Variants in PPTC7 observed in about 807,000 individuals in gnomAD.
PPTC7 encodes protein phosphatase targeting COQ7.
In PPTC7, 6 loss-of-function variants were observed where a neutral mutation model predicts 30.8. The ratio of observed to expected loss-of-function variants is 0.19; its 90% CI spans 0.11 to 0.38. The LOEUF is 0.38. PPTC7 is among the 10% of genes least tolerant of loss of function. The probability of loss-of-function intolerance (pLI) is 1.00; values close to 1 mark genes in which losing one functional copy is unlikely to be tolerated. For synonymous variants in PPTC7, 163 were observed against 168.1 expected, an observed-to-expected ratio of 0.97 and a Z score of 0.23; for missense variants, 218 against 404.8, an observed-to-expected ratio of 0.54 and a Z score of 3.96.
At chr12:110,564,506 A>G (rs7957299) in intron 1 of PPTC7, among the ~76,000 whole-genome samples, 37,991 of 152,082 alleles carry the variant, frequency 0.25, 6,095 homozygotes, top group East Asian at 0.56. Context: ...TGTCAACCTG[A>G]TATTTATGAC....
At chr12:110,572,735 C>A (rs2064549077) in intron 1 of PPTC7, among the ~76,000 whole-genome samples, 1 of 152,096 alleles carries the variant, frequency 6.6e-6, no homozygotes, top group African/African-American at 2.4e-5. Context: ...TATTTAGGAA[C>A]CTAGTAAATT....
intron 1 of PPTC7, among the ~76,000 whole-genome samples, chr12:110,575,343 A>C (rs1159907277): frequency 6.6e-6 from 1 of 152,054 alleles, no homozygotes; most frequent in Non-Finnish European, 1.5e-5. Flanking sequence ...TCTGAACCTA[A>C]AGCCCCAGGC....
chr12:110,576,585 C>G (rs1169825631), intron 1 of PPTC7, among the ~76,000 whole-genome samples: 1 of 152,172 alleles, frequency 6.6e-6, no homozygotes, highest in Non-Finnish European at 1.5e-5. Context: ...TGGATGAACT[C>G]TGAAAACATG....
At chr12:110,543,509 A>G (rs1452517079) in intron 3 of PPTC7, among the ~76,000 whole-genome samples, 1 of 152,170 alleles carries the variant, frequency 6.6e-6, no homozygotes, top group Non-Finnish European at 1.5e-5. Flanking sequence ...TAAAGAGAAA[A>G]CAATGCAAGA....
At chr12:110,580,012 C>A (rs1217221095) in intron 1 of PPTC7, among the ~76,000 whole-genome samples, 1 of 151,376 alleles carries the variant, frequency 6.6e-6, no homozygotes, top group Non-Finnish European at 1.5e-5. Context: ...AAACTCCATA[C>A]CCGCACCCCC....
At position 110,582,952 on chromosome 12, in the gene PPTC7, C is replaced by G; in HGVS notation, c.80G>C (p.Gly27Ala). ...TCCGTAGTCGCCGCCGCCGCCGCCG[C>G]CGGCCCTGGGGTCGGTCTGCGAGAG... ...GGLSQTDPRA[G>A]GGGGGDYGLV... The change falls in exon 1 of 6, where the codon GGC becomes GCC. Residue 27 changes from glycine to alanine, a missense_variant. Gly to Ala is a moderately conservative substitution (Grantham distance 60, BLOSUM62 0). Coordinates refer to ENST00000354300, the MANE Select transcript of PPTC7 (RefSeq NM_139283.2). 2.0e-6 allele frequency: 3 copies of G among 1,537,806 alleles called. No homozygotes were observed. Among genetic ancestry groups the G allele is most frequent in the Non-Finnish European group, 8.8e-7 (1 of 1,140,480 alleles).
At chr12:110,552,333 C>G (rs1382323197) in intron 1 of PPTC7, among the ~76,000 whole-genome samples, 1 of 152,184 alleles carries the variant, frequency 6.6e-6, no homozygotes, top group Non-Finnish European at 1.5e-5. Context: ...AGTGCTGATG[C>G]TAGTGACGAT....
chr12:110,539,258 A>T (rs1407454082), intron 4 of PPTC7, among the ~76,000 whole-genome samples: 1 of 152,266 alleles, frequency 6.6e-6, no homozygotes, highest in Non-Finnish European at 1.5e-5. Flanking sequence ...TAAATAATAA[A>T]AAAAAGAAAG....
rs1192254435 is a variant in PPTC7, at chr12:110,583,223, G to C, written c.-192C>G. On this transcript the variant is annotated 5_prime_UTR_variant, in exon 1 of 6. Coordinates refer to ENST00000354300, the MANE Select transcript of PPTC7 (RefSeq NM_139283.2). ...CGCTCAGCCGCGCGCACCGGAGCCA[G>C]AGCGAGGTCAGAAGCGGCGGCTCCT... The C allele has an allele frequency of 4.9e-6, 1 of 205,916 alleles. No homozygotes were observed. The highest frequency in any genetic ancestry group is 2.4e-5 in the African/African-American group (1 of 42,284). The allele number at this position is 205,916 out of a possible 1,614,324, so 12.8% of individuals were successfully genotyped here. A position where few individuals can be genotyped will look rare whatever the true frequency, so the allele number is the denominator to read the frequency against.
At chr12:110,558,678 T>C (rs1283309849) in intron 1 of PPTC7, among the ~76,000 whole-genome samples, 1 of 152,254 alleles carries the variant, frequency 6.6e-6, no homozygotes, top group East Asian at 1.9e-4. Context: ...CAGGCTGGAG[T>C]GCAGTGGTGC....
intron 1 of PPTC7, among the ~76,000 whole-genome samples, chr12:110,567,073 G>A (rs150076221): frequency 5.9e-5 from 9 of 152,146 alleles, no homozygotes; most frequent in East Asian, 3.9e-4. Context: ...CATTTTCTTC[G>A]TCACTACAAT....
At chr12:110,567,705 G>T (rs902530381) in intron 1 of PPTC7, among the ~76,000 whole-genome samples, 2 of 152,104 alleles carry the variant, frequency 1.3e-5, no homozygotes, top group Admixed American at 1.3e-4. Context: ...TACACCCTCT[G>T]TATCGATTTG....
chr12:110,581,736 ACT>A (rs749878061), intron 1 of PPTC7, among the ~76,000 whole-genome samples: 4 of 152,248 alleles, frequency 2.6e-5, no homozygotes, highest in Non-Finnish European at 4.4e-5. Flanking sequence ...AAAAATAATT[ACT>A]GTCATAAAAA....
chr12:110,555,835 T>C (rs147904413), intron 1 of PPTC7, among the ~76,000 whole-genome samples: 4 of 152,368 alleles, frequency 2.6e-5, no homozygotes, highest in South Asian at 2.1e-4. Context: ...GGAGAAACTC[T>C]TATTTTACTA....
intron 1 of PPTC7, among the ~76,000 whole-genome samples, chr12:110,573,993 A>T (rs1169802136): frequency 3.3e-5 from 5 of 151,106 alleles, no homozygotes; most frequent in Non-Finnish European, 5.9e-5. Context: ...AAATAAATAA[A>T]TAAATAAATA....
At chr12:110,541,022 G>A (rs557121320) in intron 3 of PPTC7, among the ~76,000 whole-genome samples, 2 of 151,158 alleles carry the variant, frequency 1.3e-5, no homozygotes, top group East Asian at 2.0e-4. Flanking sequence ...TGATCTGCCC[G>A]CCTTGGCCTC....
Position 110,551,866 on chromosome 12 carries a change from C to T in PPTC7, c.326G>A (p.Arg109Gln), listed in dbSNP as rs751612237. The change falls in exon 2 of 6, where the codon CGG becomes CAG. Residue 109 changes from arginine (R) to glutamine (Q), a missense_variant. Arg to Gln is a conservative substitution (Grantham distance 43, BLOSUM62 1). Coordinates refer to ENST00000354300, the MANE Select transcript of PPTC7 (RefSeq NM_139283.2). The stretch of plus-strand genomic sequence containing the variant: ...TCCAATGGGATTACTAGGTACGAAC[C>T]GTCCTTCTTTTACTAAACGTTCACA... ...RTCERLVKEG[R>Q]FVPSNPIGIL... 7.4e-6 allele frequency: 12 copies of T among 1,614,000 alleles called. No homozygotes were observed. Among genetic ancestry groups the T allele is most frequent in the East Asian group, 2.2e-5 (1 of 44,898 alleles).
intron 1 of PPTC7, among the ~76,000 whole-genome samples, chr12:110,573,315 T>C (rs1022708580): frequency 6.6e-6 from 1 of 152,150 alleles, no homozygotes; most frequent in African/African-American, 2.4e-5. Context: ...TAACAGAAAA[T>C]TGGAAACAAC....
chr12:110,540,234 T>C (rs2064247477), intron 3 of PPTC7, among the ~76,000 whole-genome samples: 1 of 151,764 alleles, frequency 6.6e-6, no homozygotes, highest in Admixed American at 6.6e-5. Flanking sequence ...GGTCCTCTTC[T>C]GAGTCAGATC....
Sources: allele counts gnomAD v4.1 joint callset (sites outside exome capture counted in the v4.1 genomes callset), GRCh38; gene constraint gnomAD v4.1.1; transcripts MANE v1.5; gene names NCBI Gene and HGNC (gene_info 2026-07-23, HGNC 2026-07-21).